The following APBA2 variants were observed in gnomAD, a reference collection of about 807,000 sequenced individuals.
APBA2 encodes the protein amyloid-beta A4 precursor protein-binding family A member 2.
APBA2 carries 30 observed loss-of-function variants against 75.0 expected under a neutral mutation model. That is an observed-to-expected ratio of 0.40 (90% CI 0.30 to 0.54). The LOEUF (loss-of-function observed/expected upper bound fraction) is 0.54. Among genes scored for constraint, APBA2 ranks in the 20% least tolerant of loss-of-function variants. The pLI is 0.49. For synonymous variants in APBA2, 444 were observed against 409.6 expected, an observed-to-expected ratio of 1.08 and a Z score of -1.01; for missense variants, 801 against 1,016.1, an observed-to-expected ratio of 0.79 and a Z score of 2.88.
rs372280766 is a variant in APBA2, at chr15:29,075,620, A to G, written c.1033-435A>G. On this transcript the variant is annotated intron_variant, in intron 5 of 14. Transcript: ENST00000683413. ...CAATTTCCTATAAGCTAACAGTGCT[A>G]TGATGGAAGTTATTTCCCCTTTCTG... 5.9e-5 allele frequency among the ~76,000 whole-genome samples: 9 copies of G among 152,358 alleles called. No homozygotes were observed. The East Asian group carries it at 1.5e-3, about 26-fold the overall frequency.
chr15:29,025,886 G>A (rs2040196314), intron 3 of APBA2, among the ~76,000 whole-genome samples: 1 of 151,660 alleles, frequency 6.6e-6, no homozygotes, highest in African/African-American at 2.4e-5. Context: ...GGGAGGCAGA[G>A]GTTGCAGTGA....
At chr15:28,982,371 A>T (rs68040988) in intron 2 of APBA2, among the ~76,000 whole-genome samples, 21,745 of 152,192 alleles carry the variant, frequency 0.14, 4,638 homozygotes, top group African/African-American at 0.47. Context: ...CTTATCCATT[A>T]AGACATTTGA....
At chr15:28,941,841 C>A (rs913607735) in intron 2 of APBA2, among the ~76,000 whole-genome samples, 10 of 152,246 alleles carry the variant, frequency 6.6e-5, no homozygotes, top group African/African-American at 1.9e-4. Context: ...ACCGCAAGCT[C>A]CGCCTCCCGG....
chr15:28,989,658 C>G (rs2038115471), intron 2 of APBA2, among the ~76,000 whole-genome samples: 2 of 152,208 alleles, frequency 1.3e-5, no homozygotes, highest in East Asian at 3.9e-4. Flanking sequence ...TGGAAGGCAT[C>G]AGGCTCCTCA....
intron 3 of APBA2, among the ~76,000 whole-genome samples, chr15:29,023,042 C>G (rs766945838): frequency 6.6e-5 from 10 of 152,160 alleles, no homozygotes; most frequent in Admixed American, 6.5e-4. Context: ...AAACTCATAC[C>G]TGGCCACCTT....
At chr15:28,920,137 C>T (rs1002416057) in intron 1 of APBA2, among the ~76,000 whole-genome samples, 2 of 152,094 alleles carry the variant, frequency 1.3e-5, no homozygotes, top group Admixed American at 6.5e-5. Context: ...GAAGTGGTCA[C>T]GAATGATTGT....
chr15:28,960,484 T>C (rs546427641), intron 2 of APBA2, among the ~76,000 whole-genome samples: 1 of 151,976 alleles, frequency 6.6e-6, no homozygotes, highest in East Asian at 1.9e-4. Context: ...AAAGAGCACT[T>C]TGAATTCTCA....
chr15:29,068,072 T>C (rs2042452814), intron 4 of APBA2, among the ~76,000 whole-genome samples: 1 of 152,224 alleles, frequency 6.6e-6, no homozygotes, highest in African/African-American at 2.4e-5. Context: ...CATTCATTTT[T>C]CAGATGTCAA....
At chr15:28,978,406 C>T (rs2037451533) in intron 2 of APBA2, among the ~76,000 whole-genome samples, 1 of 152,162 alleles carries the variant, frequency 6.6e-6, no homozygotes, top group African/African-American at 2.4e-5. Flanking sequence ...CTTTGAGCCG[C>T]CAGAGCTAAG....
intron 2 of APBA2, among the ~76,000 whole-genome samples, chr15:28,931,217 G>A (rs911595584): frequency 2.0e-5 from 3 of 152,192 alleles, no homozygotes; most frequent in Admixed American, 1.3e-4. Flanking sequence ...GGATGCAGGC[G>A]TGCTTGTCAC....
intron 1 of APBA2, among the ~76,000 whole-genome samples, chr15:28,887,706 G>C (rs1440911959): frequency 6.6e-6 from 1 of 152,136 alleles, no homozygotes; most frequent in Non-Finnish European, 1.5e-5. Context: ...TGGAACGCTG[G>C]GGCTCCAGGC....
chr15:29,114,110 C>A, intron 14 of APBA2, 94 bp downstream of exon 14: 1 of 1,561,110 alleles, frequency 6.4e-7, no homozygotes, highest in Non-Finnish European at 8.8e-7. Context: ...GGACACAGGG[C>A]ATCTGAAGGT....
chr15:29,045,559 A>G (rs947776029), intron 3 of APBA2, among the ~76,000 whole-genome samples: 9 of 152,190 alleles, frequency 5.9e-5, no homozygotes, highest in Non-Finnish European at 1.0e-4. Context: ...GATGATATCT[A>G]TTCAGCTGGG....
At chr15:29,110,235 G>A (rs1183704686) in intron 13 of APBA2, among the ~76,000 whole-genome samples, 2 of 152,226 alleles carry the variant, frequency 1.3e-5, no homozygotes, top group African/African-American at 4.8e-5. Flanking sequence ...GGGGACAGTG[G>A]AGGAAGCTGG....
chr15:29,094,692 A>G (rs1330688342), intron 8 of APBA2, among the ~76,000 whole-genome samples: 1 of 152,226 alleles, frequency 6.6e-6, no homozygotes. Flanking sequence ...ATAGTTAAAG[A>G]TTCCTTAAGC....
At chr15:29,030,331 G>A (rs929891204) in intron 3 of APBA2, among the ~76,000 whole-genome samples, 4 of 151,912 alleles carry the variant, frequency 2.6e-5, no homozygotes, top group Non-Finnish European at 5.9e-5. Context: ...GCGTGATGGC[G>A]GGTGCCTATA....
At chr15:29,090,346 T>C (rs1225513184) in intron 6 of APBA2, among the ~76,000 whole-genome samples, 1 of 152,196 alleles carries the variant, frequency 6.6e-6, no homozygotes, top group East Asian at 1.9e-4. Flanking sequence ...GCCCCAGAGC[T>C]ACTGACGCTC....
chr15:29,085,668 C>G (rs1158857889), intron 6 of APBA2, among the ~76,000 whole-genome samples: 1 of 152,058 alleles, frequency 6.6e-6, no homozygotes, highest in East Asian at 1.9e-4. Context: ...TTTCTATGGC[C>G]AATAAGAGCT....
At chr15:28,941,163 A>G (rs1351459217) in intron 2 of APBA2, among the ~76,000 whole-genome samples, 1 of 152,226 alleles carries the variant, frequency 6.6e-6, no homozygotes, top group Non-Finnish European at 1.5e-5. Flanking sequence ...TGCAGGCCGC[A>G]CTACTGGGTG....
Sources: gnomAD v4.1 joint callset for allele counts (sites outside exome capture counted in the v4.1 genomes callset) on GRCh38, gnomAD v4.1.1 for gene constraint, MANE v1.5 for transcripts, NCBI Gene and HGNC (gene_info 2026-07-23, HGNC 2026-07-21) for gene names.